FARP1: variants seen among roughly 807,000 people sequenced by gnomAD.
The protein encoded by FARP1 is FERM, ARHGEF and pleckstrin domain-containing protein 1.
Under a neutral mutation model 128.8 loss-of-function variants are expected in FARP1, and 52 were observed. The ratio of observed to expected loss-of-function variants is 0.40; its 90% confidence interval spans 0.32 to 0.51. The LOEUF (loss-of-function observed/expected upper bound fraction) is 0.51. Among genes scored for constraint, FARP1 ranks in the 20% least tolerant of loss-of-function variants. FARP1 has a pLI of 0.45. For missense variants in FARP1, 1,333 were observed against 1,367.9 expected (o/e 0.97, Z 0.40); for synonymous variants, 580 against 551.8 (o/e 1.05, Z -0.72).
At chr13:98,293,804 T>C (rs1368076245) in intron 2 of FARP1, among the ~76,000 whole-genome samples, 1 of 152,162 alleles carries the variant, frequency 6.6e-6, no homozygotes, top group Non-Finnish European at 1.5e-5. Context: ...TCCTGCCCAC[T>C]GGGAAGAAAG....
In FARP1 at chr13:98,251,836, T is replaced by TTGTA. The variant is rs539304726; in HGVS notation, c.171+38439_171+38442dup. Among the ~76,000 whole-genome samples, 447 of 152,186 alleles carry TTGTA rather than the reference T, an allele frequency of 2.9e-3. 1 individual carries two copies. The highest frequency in any genetic ancestry group is 9.9e-3 in the African/African-American group (410 of 41,526). ...GCAGATTGGATAGTAATATAGCTAA[T>TTGTA]TGTATGTATGTATGTATGTGTGTAT... On this transcript the variant is annotated intron_variant, in intron 2 of 26. Transcript: ENST00000319562.
intron 5 of FARP1, among the ~76,000 whole-genome samples, chr13:98,377,374 CAAA>C (rs34395673): frequency 0.074 from 10,011 of 134,534 alleles, 620 homozygotes; most frequent in African/African-American, 0.18. Context: ...AGTTACACCA[CAAA>C]AAAAAAAAAA....
chr13:98,323,942 T>A (rs564915182), intron 2 of FARP1, among the ~76,000 whole-genome samples: 2 of 152,342 alleles, frequency 1.3e-5, no homozygotes, highest in Non-Finnish European at 2.9e-5. Context: ...AGAACCAGAA[T>A]TGAATTTAGT....
chr13:98,209,617 T>C (rs1880536960), intron 1 of FARP1, among the ~76,000 whole-genome samples: 1 of 146,020 alleles, frequency 6.8e-6, no homozygotes, highest in Non-Finnish European at 1.5e-5. Flanking sequence ...GCCAACATGG[T>C]GAAACCCTGT....
chr13:98,269,685 A>G (rs1884295536), intron 2 of FARP1, among the ~76,000 whole-genome samples: 1 of 152,222 alleles, frequency 6.6e-6, no homozygotes, highest in South Asian at 2.1e-4. Flanking sequence ...TTGTCAAGGA[A>G]GGGGTTGGGG....
intron 2 of FARP1, among the ~76,000 whole-genome samples, chr13:98,343,178 C>T (rs575187030): frequency 3.3e-5 from 5 of 152,088 alleles, no homozygotes; most frequent in Admixed American, 6.5e-5. Flanking sequence ...GATCAGTGTT[C>T]GCCAGGGATT....
At position 98,452,928 on chromosome 13, in the gene FARP1, A is replaced by C. The variant is rs1893264865; in HGVS notation, c.*4611A>C. ...TGCACTATGGTTAAAATTAAAAACA[A>C]AAGTAATAAAATAAAATAAAATGAT... On this transcript the variant is annotated 3_prime_UTR_variant, in exon 27 of 27. Coordinates refer to ENST00000319562, the MANE Select transcript of FARP1 (RefSeq NM_005766.4). The C allele has an allele frequency of 1.2e-5, 5 of 426,852 alleles. No homozygotes were observed. The highest frequency in any genetic ancestry group is 2.1e-5 in the Non-Finnish European group (5 of 242,306). 26.4% of individuals were successfully genotyped at this position (426,852 alleles called of 1,614,324 possible). A position where few individuals can be genotyped will look rare whatever the true frequency, so the allele number is the denominator to read the frequency against.
intron 2 of FARP1, among the ~76,000 whole-genome samples, chr13:98,326,143 A>G (rs1439007159): frequency 3.3e-5 from 5 of 152,192 alleles, no homozygotes; most frequent in Non-Finnish European, 5.9e-5. Flanking sequence ...CAAAAGGACA[A>G]TCAGTTGCAG....
chr13:98,321,529 T>A (rs1337716500), intron 2 of FARP1, among the ~76,000 whole-genome samples: 4 of 152,216 alleles, frequency 2.6e-5, no homozygotes, highest in Non-Finnish European at 5.9e-5. Context: ...ACTGCTAGAT[T>A]TATGGCCAAA....
In FARP1 at chr13:98,385,652, T is replaced by G; in HGVS notation, c.612-15T>G. 6.2e-7 allele frequency: 1 copy of G among 1,614,066 alleles called. No homozygotes were observed. Among genetic ancestry groups the G allele is most frequent in the Non-Finnish European group, 8.5e-7 (1 of 1,179,924 alleles). ...CAAATCTCCTGGCCTTTCTGTTTAA[T>G]TTTTGTTTTGTCAGTGGACAAACAC... On this transcript the variant is annotated splice_polypyrimidine_tract_variant and intron_variant, in intron 7 of 26. Transcript: ENST00000319562.
intron 2 of FARP1, among the ~76,000 whole-genome samples, chr13:98,220,159 TGGA>T (rs1881332421): frequency 6.6e-6 from 1 of 152,128 alleles, no homozygotes; most frequent in Non-Finnish European, 1.5e-5. Flanking sequence ...TCTCCTGGAA[TGGA>T]GTCCCTCCCT....
chr13:98,323,387 CTT>C (rs71792049), intron 2 of FARP1, among the ~76,000 whole-genome samples: 4 of 133,528 alleles, frequency 3.0e-5, no homozygotes, highest in African/African-American at 8.2e-5. Flanking sequence ...ATTCACATGG[CTT>C]TTTTTTTTTT....
At chr13:98,421,968 A>G (rs1891610628) in intron 16 of FARP1, among the ~76,000 whole-genome samples, 1 of 152,196 alleles carries the variant, frequency 6.6e-6, no homozygotes, top group South Asian at 2.1e-4. Flanking sequence ...GGTCATTCAC[A>G]TGGAGTGCTC....
intron 8 of FARP1, 31 bp from the exon 9 acceptor site, chr13:98,388,352 C>T (rs774422198): frequency 6.4e-7 from 1 of 1,556,096 alleles, no homozygotes. Context: ...TTATGCATTT[C>T]CTGGCTCACT....
intron 2 of FARP1, among the ~76,000 whole-genome samples, chr13:98,291,828 A>G (rs1885461522): frequency 6.6e-6 from 1 of 152,222 alleles, no homozygotes; most frequent in Admixed American, 6.5e-5. Flanking sequence ...CATTCAAAGA[A>G]CAGTCTGTGT....
chr13:98,296,143 G>A (rs1885675154), intron 2 of FARP1, among the ~76,000 whole-genome samples: 1 of 152,150 alleles, frequency 6.6e-6, no homozygotes, highest in African/African-American at 2.4e-5. Flanking sequence ...CATGGAGCAT[G>A]TCCTGGTTTG....
At chr13:98,395,849 GC>G in intron 13 of FARP1, 1 of 400,632 alleles carries the variant, frequency 2.5e-6, no homozygotes, top group Non-Finnish European at 4.4e-6. Context: ...GCTGGTCACA[GC>G]CCCCTGGCCA....
At chr13:98,244,989 T>TA in intron 2 of FARP1, 1 of 1,174,974 alleles carries the variant, frequency 8.5e-7, no homozygotes, top group Non-Finnish European at 1.1e-6. Context: ...TGTTTGCCAC[T>TA]AGGGGAAGAT....
chr13:98,305,117 TA>T (rs1231524472), intron 2 of FARP1, among the ~76,000 whole-genome samples: 5 of 17,242 alleles, frequency 2.9e-4, no homozygotes, highest in South Asian at 2.8e-3. Context: ...TATATATATA[TA>T]TTTTTTAATT....
Sources: gnomAD v4.1 joint callset for allele counts (sites outside exome capture counted in the v4.1 genomes callset) on GRCh38, gnomAD v4.1.1 for gene constraint, MANE v1.5 for transcripts, NCBI Gene and HGNC (gene_info 2026-07-23, HGNC 2026-07-21) for gene names.